The following HNMT variants were observed in gnomAD, a reference collection of about 807,000 sequenced individuals.
HNMT encodes the protein histamine N-methyltransferase.
Under a neutral mutation model 32.1 loss-of-function variants are expected in HNMT, and 30 were observed. The ratio of observed to expected loss-of-function variants is 0.93; its 90% CI spans 0.70 to 1.27. The LOEUF is 1.27. Ranked by LOEUF, HNMT falls within the 50% of genes most tolerant of loss-of-function variation. The pLI is 0.00. For synonymous variants in HNMT, 125 were observed against 119.0 expected, an observed-to-expected ratio of 1.05 and a Z score of -0.33; for missense variants, 327 against 346.0, an observed-to-expected ratio of 0.95 and a Z score of 0.43.
chr2:138,007,080 C>T (rs769875676), intron 5 of HNMT, among the ~76,000 whole-genome samples: 13 of 151,996 alleles, frequency 8.6e-5, no homozygotes, highest in Non-Finnish European at 1.3e-4. Context: ...TAGAATGCAA[C>T]GAATAACATT....
At chr2:137,984,011 C>G (rs994414986) in intron 2 of HNMT, among the ~76,000 whole-genome samples, 2 of 152,144 alleles carry the variant, frequency 1.3e-5, no homozygotes, top group Non-Finnish European at 2.9e-5. Flanking sequence ...TCATGGAGTA[C>G]TATACCCTGA....
chr2:137,988,317 G>A (rs1183554717), intron 2 of HNMT, among the ~76,000 whole-genome samples: 1 of 152,132 alleles, frequency 6.6e-6, no homozygotes, highest in African/African-American at 2.4e-5. Context: ...TATTATTGCA[G>A]TATTCCAAAT....
At chr2:137,990,237 G>A (rs894284700) in intron 2 of HNMT, among the ~76,000 whole-genome samples, 2 of 152,146 alleles carry the variant, frequency 1.3e-5, no homozygotes, top group African/African-American at 4.8e-5. Flanking sequence ...ATAGTTCTAT[G>A]ATTCATTTTG....
At chr2:137,967,119 A>G (rs1183295966) in intron 1 of HNMT, 3 of 780,232 alleles carry the variant, frequency 3.8e-6, no homozygotes, top group Admixed American at 3.4e-5. Flanking sequence ...CTGTTAACAA[A>G]TAAAATACTG....
At position 138,014,474 on chromosome 2, in the gene HNMT, T is replaced by C. The variant is rs1397794123; in HGVS notation, c.*344T>C. The C allele has an allele frequency of 5.2e-6, 1 of 190,944 alleles. No individual in the cohort carries two copies. 11.8% of individuals were successfully genotyped at this position (190,944 alleles called of 1,614,324 possible). ...TAGAATACTAATAAAATACATACTATAGATTCTTTATTAGTGAAGTATGCA... is the reference window on the plus strand; with the variant it reads ...TAGAATACTAATAAAATACATACTACAGATTCTTTATTAGTGAAGTATGCA... On this transcript the variant is annotated 3_prime_UTR_variant, in exon 6 of 6. Transcript: ENST00000280097.
chr2:137,990,763 G>A (rs1016142440), intron 2 of HNMT, among the ~76,000 whole-genome samples: 1 of 151,720 alleles, frequency 6.6e-6, no homozygotes, highest in East Asian at 1.9e-4. Context: ...TTTTTCCTCT[G>A]CTCTCACACC....
chr2:137,986,912 C>T (rs1680667314), intron 2 of HNMT, among the ~76,000 whole-genome samples: 1 of 152,070 alleles, frequency 6.6e-6, no homozygotes, highest in Non-Finnish European at 1.5e-5. Context: ...GCTAAAATTA[C>T]ACACAAGGGA....
rs928751291 is a variant in HNMT at position 138,016,021 on chromosome 2, T to C, written c.*1891T>C. ...CCCATGAAAACCTACTAGTCAGCAA[T>C]GGGAAGTTGTATAAATTCAAGGGAT... On this transcript the variant is annotated 3_prime_UTR_variant, in exon 6 of 6. Coordinates refer to ENST00000280097, the MANE Select transcript of HNMT (RefSeq NM_006895.3). 2.6e-5 allele frequency: 4 copies of C among 152,106 alleles called. No homozygotes were observed. Among genetic ancestry groups the C allele is most frequent in the Non-Finnish European group, 5.9e-5 (4 of 67,990 alleles). 9.4% of individuals were successfully genotyped at this position (152,106 alleles called of 1,614,324 possible). A position where few individuals can be genotyped will look rare whatever the true frequency, so the allele number is the denominator to read the frequency against.
chr2:137,997,285 T>A (rs982550087), intron 2 of HNMT, among the ~76,000 whole-genome samples: 1 of 151,774 alleles, frequency 6.6e-6, no homozygotes, highest in African/African-American at 2.4e-5. Flanking sequence ...CTGACAAAGA[T>A]CTAATATCCA....
At chr2:137,992,630 T>C (rs955443849) in intron 2 of HNMT, among the ~76,000 whole-genome samples, 1 of 152,176 alleles carries the variant, frequency 6.6e-6, no homozygotes, top group Non-Finnish European at 1.5e-5. Flanking sequence ...TAGCCTTTCC[T>C]CCTGGTAGTT....
At chr2:138,003,556 TTATCACTG>T (rs1451632046) in intron 4 of HNMT, among the ~76,000 whole-genome samples, 3 of 152,106 alleles carry the variant, frequency 2.0e-5, no homozygotes, top group Non-Finnish European at 2.9e-5. Flanking sequence ...CAGGTAGTAC[TTATCACTG>T]TCCAGGATGC....
chr2:137,986,225 C>A (rs1680647890), intron 2 of HNMT, among the ~76,000 whole-genome samples: 1 of 149,970 alleles, frequency 6.7e-6, no homozygotes, highest in Non-Finnish European at 1.5e-5. Context: ...TCTAGAGAAA[C>A]AGAACCAACG....
At position 138,010,434 on chromosome 2, in the gene HNMT, GACACACGCACACAC is replaced by G. The variant is rs1297972902; in HGVS notation, c.524-3334_524-3321del. 3.5e-4 allele frequency among the ~76,000 whole-genome samples: 41 copies of G among 117,774 alleles called. 1 individual carries two copies. The East Asian group carries it at 5.1e-3, about 15-fold the overall frequency. 77.3% of individuals were successfully genotyped at this position (117,774 alleles called of 152,430 possible). ...TAGGAATAAAAGGCTCAATAAAAAAGACACACGCACACACACACACACACACACACACACACACA... is the reference window on the plus strand; with the variant it reads ...TAGGAATAAAAGGCTCAATAAAAAAGACACACACACACACACACACACACA... On this transcript the variant is annotated intron_variant, in intron 5 of 5. Coordinates refer to ENST00000280097, the MANE Select transcript of HNMT (RefSeq NM_006895.3).
At chr2:138,006,605 A>G (rs1439215348) in intron 5 of HNMT, among the ~76,000 whole-genome samples, 1 of 152,034 alleles carries the variant, frequency 6.6e-6, no homozygotes, top group Non-Finnish European at 1.5e-5. Flanking sequence ...AAGTGCCCTT[A>G]TGGCTACAGT....
intron 2 of HNMT, among the ~76,000 whole-genome samples, chr2:137,984,994 T>C (rs1378160167): frequency 6.6e-6 from 1 of 152,158 alleles, no homozygotes; most frequent in African/African-American, 2.4e-5. Flanking sequence ...ATGTGATTAA[T>C]AAAACATTTG....
chr2:137,973,634 G>A (rs1217346959), intron 2 of HNMT, among the ~76,000 whole-genome samples: 1 of 152,164 alleles, frequency 6.6e-6, no homozygotes, highest in Non-Finnish European at 1.5e-5. Context: ...TAGGCACATG[G>A]CTTTGGTGCA....
At chr2:137,964,733 G>A (rs1679901773) in intron 1 of HNMT, 105 bp downstream of exon 1, 18 of 1,099,810 alleles carry the variant, frequency 1.6e-5, no homozygotes, top group Non-Finnish European at 2.4e-5. Context: ...AGGGATAAGG[G>A]CGAATTACTG....
chr2:137,974,825 A>G (rs1248681255), intron 2 of HNMT, among the ~76,000 whole-genome samples: 2 of 152,230 alleles, frequency 1.3e-5, no homozygotes, highest in Admixed American at 6.5e-5. Flanking sequence ...AGCAACTCAT[A>G]TATGAAATAC....
chr2:137,978,069 GTTGT>G, intron 2 of HNMT, among the ~76,000 whole-genome samples: 1 of 152,036 alleles, frequency 6.6e-6, no homozygotes, highest in East Asian at 1.9e-4. Flanking sequence ...GGTTGTTATT[GTTGT>G]TTATCACTGT....
Sources: allele counts gnomAD v4.1 joint callset (sites outside exome capture counted in the v4.1 genomes callset), GRCh38; gene constraint gnomAD v4.1.1; transcripts MANE v1.5; gene names NCBI Gene and HGNC (gene_info 2026-07-23, HGNC 2026-07-21).